The following ERG variants were observed in gnomAD, a reference collection of about 807,000 sequenced individuals.
The protein encoded by ERG is transcriptional regulator ERG.
In ERG, 9 loss-of-function variants were observed where a neutral mutation model predicts 55.3. The observed-to-expected ratio is 0.16, with a 90% CI of 0.10 to 0.28. The LOEUF is 0.28. Among genes scored for constraint, ERG ranks in the 10% least tolerant of loss-of-function variants. ERG has a pLI of 1.00. For missense variants in ERG, 434 were observed against 631.6 expected (o/e 0.69, Z 3.35); for synonymous variants, 223 against 237.3 (o/e 0.94, Z 0.55).
At chr21:38,511,733 T>C (rs1033791244) in intron 2 of ERG, among the ~76,000 whole-genome samples, 1 of 152,142 alleles carries the variant, frequency 6.6e-6, no homozygotes, top group African/African-American at 2.4e-5. Context: ...GTCACAGCAA[T>C]AGACCACAGG....
intron 6 of ERG, among the ~76,000 whole-genome samples, chr21:38,392,860 T>C (rs1457435244): frequency 1.3e-5 from 2 of 152,226 alleles, no homozygotes; most frequent in Non-Finnish European, 2.9e-5. Context: ...GTTTGAGGTC[T>C]GTTCCTAAAT....
At chr21:38,583,256 C>T (rs2146879789) in intron 1 of ERG, among the ~76,000 whole-genome samples, 1 of 152,334 alleles carries the variant, frequency 6.6e-6, no homozygotes, top group South Asian at 2.1e-4. Flanking sequence ...GGGGCAGAGG[C>T]CTCCCTTATG....
At chr21:38,514,903 G>GAT (rs2059540304) in intron 2 of ERG, among the ~76,000 whole-genome samples, 1 of 152,002 alleles carries the variant, frequency 6.6e-6, no homozygotes, top group African/African-American at 2.4e-5. Context: ...AAGTTTGCTA[G>GAT]ATACAAGGTC....
At chr21:38,429,651 G>GAACA (rs1229770006) in intron 2 of ERG, among the ~76,000 whole-genome samples, 21 of 147,074 alleles carry the variant, frequency 1.4e-4, no homozygotes, top group Non-Finnish European at 2.1e-4. Context: ...GTATACACAT[G>GAACA]TACATATATA....
intron 1 of ERG, among the ~76,000 whole-genome samples, chr21:38,448,291 A>G (rs2058910653): frequency 6.6e-6 from 1 of 152,162 alleles, no homozygotes; most frequent in South Asian, 2.1e-4. Flanking sequence ...CTTTTTTTGC[A>G]TCTTAAAATT....
rs191636705 is a variant in ERG at position 38,533,951 on chromosome 21, T to C, written c.-41+41711A>G. ...GATGTAAATAGAGCCATTTTTTTTC[T>C]TATACAAGGAACAAGTGCTCTCACC... On this transcript the variant is annotated intron_variant, in intron 2 of 8. Coordinates refer to the ERG transcript ENST00000398897. Among the ~76,000 whole-genome samples, 660 of 152,288 alleles carry C rather than the reference T, an allele frequency of 4.3e-3. 7 individuals carry two copies. Among genetic ancestry groups the C allele is most frequent in the African/African-American group, 0.015 (617 of 41,550 alleles).
At chr21:38,397,373 G>T (rs2146442126) in intron 6 of ERG, among the ~76,000 whole-genome samples, 1 of 152,196 alleles carries the variant, frequency 6.6e-6, no homozygotes, top group East Asian at 1.9e-4. Context: ...GCAGAGGTGG[G>T]CGGATCACGA....
intron 1 of ERG, chr21:38,660,696 G>A (rs908552056): frequency 1.3e-5 from 2 of 151,944 alleles, no homozygotes; most frequent in Non-Finnish European, 2.9e-5. Context: ...GTTCAGGGAG[G>A]CTCCGGCTCC....
At chr21:38,622,944 C>T (rs960754120) in intron 1 of ERG, among the ~76,000 whole-genome samples, 11 of 8,374 alleles carry the variant, frequency 1.3e-3, no homozygotes, top group Non-Finnish European at 2.8e-4. Context: ...CACACACACA[C>T]ACACACACAC....
At chr21:38,507,099 C>T (rs1407124707) in intron 2 of ERG, among the ~76,000 whole-genome samples, 1 of 152,104 alleles carries the variant, frequency 6.6e-6, no homozygotes, top group Admixed American at 6.6e-5. Context: ...CGACAAAAAG[C>T]GCCCCTGGGC....
intron 1 of ERG, among the ~76,000 whole-genome samples, chr21:38,629,159 G>A (rs994800562): frequency 1.3e-5 from 2 of 152,194 alleles, no homozygotes; most frequent in African/African-American, 2.4e-5. Flanking sequence ...GGGAGGCAGT[G>A]AGATGGAAAC....
chr21:38,626,665 A>G (rs532915644), intron 1 of ERG, among the ~76,000 whole-genome samples: 75 of 148,908 alleles, frequency 5.0e-4, no homozygotes, highest in African/African-American at 1.8e-3. Context: ...ACGTTATGAA[A>G]ATAATTAAAA....
chr21:38,588,557 C>T (rs1244013374), upstream of ERG, among the ~76,000 whole-genome samples: 1 of 152,084 alleles, frequency 6.6e-6, no homozygotes, highest in Non-Finnish European at 1.5e-5. Flanking sequence ...CTTGGGGCCC[C>T]AAGTTTATGC....
chr21:38,569,281 C>T (rs908303412), intron 2 of ERG, among the ~76,000 whole-genome samples: 17 of 152,178 alleles, frequency 1.1e-4, no homozygotes, highest in African/African-American at 3.6e-4. Context: ...CAAAAGGGTG[C>T]GGTGGAAAAA....
At chr21:38,490,252 GAAA>G (rs374395625) in intron 1 of ERG, among the ~76,000 whole-genome samples, 1 of 145,336 alleles carries the variant, frequency 6.9e-6, no homozygotes, top group Non-Finnish European at 1.5e-5. Context: ...TGTAGAAATT[GAAA>G]AAAAAAAGGT....
chr21:38,374,205 C>A, the ERG span, among the ~76,000 whole-genome samples: 1 of 152,204 alleles, frequency 6.6e-6, no homozygotes, highest in Non-Finnish European at 1.5e-5. Context: ...GGGCGTCTGC[C>A]CCACAGACCC....
Position 38,512,245 on chromosome 21 carries a change from A to G in ERG, c.-41+63417T>C, listed in dbSNP as rs561814308. ...AGTGAAAACAGATTAAAGAAAATAA[A>G]AATAAATAAACCACCACACAATATT... On this transcript the variant is annotated intron_variant, in intron 2 of 8. Coordinates refer to the ERG transcript ENST00000398897. Among the ~76,000 whole-genome samples, 263 of 152,380 alleles carry G rather than the reference A, an allele frequency of 1.7e-3. 1 individual carries two copies. The highest frequency in any genetic ancestry group is 2.7e-3 in the Non-Finnish European group (187 of 68,036).
chr21:38,392,249 G>A lies in ERG; in HGVS notation c.814+127C>T, dbSNP rs377351260. 25 of 804,952 alleles carry A rather than the reference G, an allele frequency of 3.1e-5. No individual in the cohort carries two copies. In the East Asian group the frequency reaches 4.8e-4, roughly 15 times the overall value. 49.9% of individuals were successfully genotyped at this position (804,952 alleles called of 1,614,324 possible). A position where few individuals can be genotyped will look rare whatever the true frequency, so the allele number is the denominator to read the frequency against. On this transcript the variant is annotated intron_variant, in intron 7 of 9. Transcript: ENST00000288319. ...GTGAAAGATCAATTGTACTCTTGTCGTCAATGGAACAAACCCATCACATGT... is the reference window on the plus strand; with the variant it reads ...GTGAAAGATCAATTGTACTCTTGTCATCAATGGAACAAACCCATCACATGT...
chr21:38,615,330 A>C (rs934976930), intron 1 of ERG, among the ~76,000 whole-genome samples: 4 of 152,210 alleles, frequency 2.6e-5, no homozygotes, highest in African/African-American at 9.6e-5. Context: ...ACCTCACTGA[A>C]TAAAATGGTT....
Sources: allele counts gnomAD v4.1 joint callset (sites outside exome capture counted in the v4.1 genomes callset), GRCh38; gene constraint gnomAD v4.1.1; transcripts MANE v1.5; gene names NCBI Gene and HGNC (gene_info 2026-07-23, HGNC 2026-07-21).